The following SYT16 variants were observed in gnomAD, a reference collection of about 807,000 sequenced individuals.
SYT16 encodes synaptotagmin 16.
SYT16 carries 42 observed loss-of-function variants against 61.4 expected under a neutral mutation model. That is an observed-to-expected ratio of 0.68 (90% CI 0.53 to 0.89). SYT16 has a LOEUF of 0.89. SYT16 is among the 40% of genes least tolerant of loss of function. The probability of loss-of-function intolerance (pLI) is 0.00; values close to 1 mark genes in which losing one functional copy is unlikely to be tolerated. For missense variants in SYT16, 804 were observed against 807.3 expected, an observed-to-expected ratio of 1.00 and a Z score of 0.05; for synonymous variants, 314 against 302.3, an observed-to-expected ratio of 1.04 and a Z score of -0.40.
intron 7 of SYT16, among the ~76,000 whole-genome samples, chr14:62,095,594 T>C (rs2057247111): frequency 6.6e-6 from 1 of 151,664 alleles, no homozygotes; most frequent in African/African-American, 2.4e-5. Flanking sequence ...ACAGAAACTA[T>C]ATACACACAC....
intron 3 of SYT16, among the ~76,000 whole-genome samples, chr14:62,039,119 T>A (rs973068459): frequency 1.3e-5 from 2 of 152,140 alleles, no homozygotes; most frequent in African/African-American, 4.8e-5. Context: ...GCTTCACTCC[T>A]CCTCTTCTTC....
intron 2 of SYT16, among the ~76,000 whole-genome samples, chr14:61,981,910 A>G (rs1406930578): frequency 2.0e-5 from 3 of 152,184 alleles, no homozygotes; most frequent in Admixed American, 6.5e-5. Context: ...GGATGGTAAT[A>G]AAAACAAATC....
chr14:61,874,428 T>G (rs2047423784), intron 1 of SYT16, among the ~76,000 whole-genome samples: 1 of 152,196 alleles, frequency 6.6e-6, no homozygotes, highest in African/African-American at 2.4e-5. Flanking sequence ...GTATGTGGAT[T>G]TTTTTATATG....
In SYT16 at chr14:61,826,238, A is replaced by G. The variant is rs2045769138; in HGVS notation, c.-325+13428A>G. Among the ~76,000 whole-genome samples, 3 of 151,966 alleles carry G rather than the reference A, an allele frequency of 2.0e-5. 1 individual carries two copies. The highest frequency in any genetic ancestry group is 7.3e-5 in the African/African-American group (3 of 41,216). On this transcript the variant is annotated intron_variant, in intron 1 of 7. Transcript: ENST00000683842. ...AGCCACACTCACTCACGCTGGGACC[A>G]TGTGGACATGCTAGTTCGCCTCATG...
intron 1 of SYT16, among the ~76,000 whole-genome samples, chr14:61,948,757 G>C (rs2050549874): frequency 6.6e-6 from 1 of 152,188 alleles, no homozygotes; most frequent in Non-Finnish European, 1.5e-5. Context: ...ACCAAGCTCA[G>C]AATCTTGAAG....
chr14:62,110,625 G>A lies in SYT16; in HGVS notation c.*9918G>A, dbSNP rs1475867965. ...TACAAGTTATAGTTGGTCTTTAGCT[G>A]TTCTGTCTCTGAGGAGCTAGAAATA... On this transcript the variant is annotated 3_prime_UTR_variant, in exon 8 of 8. Coordinates refer to ENST00000683842, the MANE Select transcript of SYT16 (RefSeq NM_001367656.1). 3 of 152,042 alleles carry A rather than the reference G, an allele frequency of 2.0e-5. No homozygotes were observed. Among genetic ancestry groups the A allele is most frequent in the African/African-American group, 7.2e-5 (3 of 41,436 alleles). The allele number at this position is 152,042 out of a possible 1,614,324, so 9.4% of individuals were successfully genotyped here. A position where few individuals can be genotyped will look rare whatever the true frequency, so the allele number is the denominator to read the frequency against.
intron 3 of SYT16, among the ~76,000 whole-genome samples, chr14:62,008,288 T>C (rs1466162223): frequency 1.3e-5 from 2 of 152,250 alleles, no homozygotes; most frequent in South Asian, 2.1e-4. Context: ...AATGTGATTA[T>C]AAGTTCCTCT....
At chr14:62,028,355 T>A (rs919669080) in intron 3 of SYT16, among the ~76,000 whole-genome samples, 2 of 152,216 alleles carry the variant, frequency 1.3e-5, no homozygotes, top group Non-Finnish European at 2.9e-5. Context: ...GTACACTAAA[T>A]CATTCAATCC....
chr14:61,893,010 C>G (rs2140341442), intron 1 of SYT16, among the ~76,000 whole-genome samples: 1 of 152,140 alleles, frequency 6.6e-6, no homozygotes, highest in East Asian at 1.9e-4. Flanking sequence ...TACTGGAGTC[C>G]TTCACTTCCA....
chr14:61,977,828 CAAAT>C (rs1486735988), intron 2 of SYT16, among the ~76,000 whole-genome samples: 1 of 152,136 alleles, frequency 6.6e-6, no homozygotes, highest in East Asian at 1.9e-4. Flanking sequence ...GCTGCCATAA[CAAAT>C]AACTACAAAT....
chr14:61,979,308 T>C (rs1158586931), intron 2 of SYT16, among the ~76,000 whole-genome samples: 2 of 152,208 alleles, frequency 1.3e-5, no homozygotes, highest in Non-Finnish European at 2.9e-5. Context: ...ATACTTCATA[T>C]TTAGTATGAT....
intron 2 of SYT16, among the ~76,000 whole-genome samples, chr14:61,978,540 A>G (rs2051917939): frequency 6.6e-6 from 1 of 152,222 alleles, no homozygotes; most frequent in Non-Finnish European, 1.5e-5. Flanking sequence ...CAAATTAATT[A>G]CATCACAACA....
intron 3 of SYT16, among the ~76,000 whole-genome samples, chr14:62,050,700 C>G (rs961529389): frequency 2.0e-5 from 3 of 152,148 alleles, no homozygotes; most frequent in Non-Finnish European, 4.4e-5. Flanking sequence ...AGTCAGGACC[C>G]TCAGCTGCAG....
chr14:61,825,800 C>T (rs4587866), intron 1 of SYT16, among the ~76,000 whole-genome samples: 1 of 152,170 alleles, frequency 6.6e-6, no homozygotes, highest in Admixed American at 6.5e-5. Context: ...TAAATGTAAG[C>T]TACATATACA....
chr14:61,929,438 G>C (rs1211413776), intron 1 of SYT16, among the ~76,000 whole-genome samples: 1 of 152,236 alleles, frequency 6.6e-6, no homozygotes, highest in Non-Finnish European at 1.5e-5. Context: ...TTCACAAAAA[G>C]ATGTGCAAGG....
chr14:61,933,362 A>C lies in SYT16; in HGVS notation c.-324-36770A>C, dbSNP rs79735224. Among the ~76,000 whole-genome samples, 798 of 152,332 alleles carry C rather than the reference A, an allele frequency of 5.2e-3. 9 individuals are homozygous for C. Among genetic ancestry groups the C allele is most frequent in the African/African-American group, 0.018 (755 of 41,572 alleles). On this transcript the variant is annotated intron_variant, in intron 1 of 7. Coordinates refer to ENST00000683842, the MANE Select transcript of SYT16 (RefSeq NM_001367656.1). ...TTAGTGTCCCTAAAATTACAAAATA[A>C]AATCAGTGAAAGTTGGAATAATCAA...
intron 2 of SYT16, among the ~76,000 whole-genome samples, chr14:61,984,087 T>C (rs923091431): frequency 6.6e-6 from 1 of 152,072 alleles, no homozygotes; most frequent in African/African-American, 2.4e-5. Flanking sequence ...TGGTGAAGCT[T>C]TCAATATTTT....
In SYT16 at chr14:61,845,232, A is replaced by G. The variant is rs138772151; in HGVS notation, c.-325+32422A>G. ...CCAGCTAATTTTTTGTATTTTTAGT[A>G]GAGACGGGGCTTCACCATGTTGACC... On this transcript the variant is annotated intron_variant, in intron 1 of 7. Coordinates refer to ENST00000683842, the MANE Select transcript of SYT16 (RefSeq NM_001367656.1). Among the ~76,000 whole-genome samples, 612 of 151,924 alleles carry G rather than the reference A, an allele frequency of 4.0e-3. 2 individuals carry two copies. Among genetic ancestry groups the G allele is most frequent in the African/African-American group, 0.014 (583 of 41,418 alleles).
rs1013911093 is a variant in SYT16 at position 62,032,125 on chromosome 14, A to T, written c.523+35583A>T. 2.0e-5 allele frequency among the ~76,000 whole-genome samples: 3 copies of T among 152,266 alleles called. No individual in the cohort carries two copies. In the East Asian group the frequency reaches 5.8e-4, roughly 29 times the overall value. ...GAATGATGAATTAAATGACCCAGTA[A>T]GTTGAGTGAAAAGAAAGCATGTGAC... On this transcript the variant is annotated intron_variant, in intron 3 of 7. Coordinates refer to ENST00000683842, the MANE Select transcript of SYT16 (RefSeq NM_001367656.1).
Sources: allele counts gnomAD v4.1 joint callset (sites outside exome capture counted in the v4.1 genomes callset), GRCh38; gene constraint gnomAD v4.1.1; transcripts MANE v1.5; gene names NCBI Gene and HGNC (gene_info 2026-07-23, HGNC 2026-07-21).